The following TRMT11 variants were observed in gnomAD, a reference collection of about 807,000 sequenced individuals.
TRMT11 encodes tRNA methyltransferase 11.
TRMT11 carries 53 observed loss-of-function variants against 62.8 expected under a neutral mutation model. The ratio of observed to expected loss-of-function variants is 0.84; its 90% CI spans 0.68 to 1.06. The LOEUF (loss-of-function observed/expected upper bound fraction) is 1.06. Ranked by LOEUF, TRMT11 falls within the 50% of genes least tolerant of loss-of-function variation. The pLI is 0.00. For missense variants in TRMT11, 556 were observed against 553.4 expected, an observed-to-expected ratio of 1.00 and a Z score of -0.05; for synonymous variants, 188 against 190.3, an observed-to-expected ratio of 0.99 and a Z score of 0.10.
At chr6:126,257,266 T>C in the TRMT11 span, among the ~76,000 whole-genome samples, 3 of 151,882 alleles carry the variant, frequency 2.0e-5, no homozygotes, top group South Asian at 2.1e-4. Flanking sequence ...TCCTTTTCAT[T>C]TTATCTTTCT....
the TRMT11 span, among the ~76,000 whole-genome samples, chr6:126,242,335 A>G: frequency 2.3e-3 from 355 of 152,354 alleles, no homozygotes; most frequent in African/African-American, 7.8e-3. Flanking sequence ...GGAAGAATCA[A>G]TATCGTGAAA....
At chr6:126,229,881 T>A in the TRMT11 span, among the ~76,000 whole-genome samples, 5 of 152,210 alleles carry the variant, frequency 3.3e-5, no homozygotes, top group Admixed American at 1.3e-4. Context: ...GTTGTTTTTT[T>A]AAGTAATTTT....
At chr6:126,010,033 T>C (rs1176775322) in intron 8 of TRMT11, among the ~76,000 whole-genome samples, 1 of 149,218 alleles carries the variant, frequency 6.7e-6, no homozygotes, top group African/African-American at 2.5e-5. Context: ...GTACAAAACT[T>C]TTTTTTTTGG....
At chr6:126,098,251 C>T (rs999785084) in intron 17 of TRMT11, among the ~76,000 whole-genome samples, 9 of 152,178 alleles carry the variant, frequency 5.9e-5, no homozygotes, top group Non-Finnish European at 5.9e-5. Context: ...TGGGGGCAGG[C>T]GCTGCACAGC....
the TRMT11 span, among the ~76,000 whole-genome samples, chr6:126,237,079 G>GAA: frequency 6.6e-6 from 1 of 152,066 alleles, no homozygotes; most frequent in South Asian, 2.1e-4. Context: ...GAGAGAGAGA[G>GAA]AGAGAGAGAG....
chr6:126,136,339 A>G (rs1383359371), intron 21 of TRMT11, among the ~76,000 whole-genome samples: 1 of 151,754 alleles, frequency 6.6e-6, no homozygotes, highest in African/African-American at 2.4e-5. Flanking sequence ...CAAATAACAT[A>G]TAAACATCAC....
intron 17 of TRMT11, among the ~76,000 whole-genome samples, chr6:126,059,770 A>T (rs1056215808): frequency 2.0e-5 from 3 of 152,180 alleles, no homozygotes; most frequent in African/African-American, 7.2e-5. Context: ...TCTACTATCA[A>T]TAGCAATTGG....
chr6:126,233,484 CCTATTA>C, the TRMT11 span, among the ~76,000 whole-genome samples: 1 of 152,112 alleles, frequency 6.6e-6, no homozygotes, highest in Non-Finnish European at 1.5e-5. Context: ...GAAGACTGTG[CCTATTA>C]CTTCTACTTT....
intron 21 of TRMT11, among the ~76,000 whole-genome samples, chr6:126,131,503 A>G (rs1777782617): frequency 6.6e-6 from 1 of 152,052 alleles, no homozygotes; most frequent in Non-Finnish European, 1.5e-5. Flanking sequence ...CAACACATAA[A>G]GCTGCAGTTA....
At chr6:126,113,183 A>G (rs1777551207) in intron 18 of TRMT11, among the ~76,000 whole-genome samples, 3 of 152,042 alleles carry the variant, frequency 2.0e-5, no homozygotes, top group Admixed American at 2.0e-4. Context: ...ATGTTCCCCC[A>G]TATTGACCTG....
chr6:126,034,291 CA>C (rs1774760842), intron 12 of TRMT11, among the ~76,000 whole-genome samples: 1 of 152,012 alleles, frequency 6.6e-6, no homozygotes, highest in Admixed American at 6.6e-5. Flanking sequence ...TACTTTTCTG[CA>C]AAAAGATACG....
At chr6:126,210,912 C>T in the TRMT11 span, among the ~76,000 whole-genome samples, 2 of 151,732 alleles carry the variant, frequency 1.3e-5, no homozygotes, top group East Asian at 1.9e-4. Flanking sequence ...GTTTACTCAT[C>T]TACTCTATCC....
intron 1 of TRMT11, chr6:125,987,199 G>T (rs550004337): frequency 6.6e-6 from 1 of 152,442 alleles, no homozygotes; most frequent in African/African-American, 2.4e-5. Flanking sequence ...AAAGAGCGTC[G>T]GTAAGTGCAG....
intron 12 of TRMT11, among the ~76,000 whole-genome samples, chr6:126,024,470 C>G (rs1178858726): frequency 6.6e-6 from 1 of 152,224 alleles, no homozygotes; most frequent in African/African-American, 2.4e-5. Flanking sequence ...TACAGTGGCA[C>G]TATTACACCT....
the TRMT11 span, among the ~76,000 whole-genome samples, chr6:126,230,030 A>G: frequency 4.8e-3 from 729 of 152,286 alleles, 3 homozygotes; most frequent in Non-Finnish European, 7.8e-3. Flanking sequence ...ACTTATACCA[A>G]ACCTCTGTCA....
the TRMT11 span, among the ~76,000 whole-genome samples, chr6:126,224,820 T>A: frequency 6.6e-6 from 1 of 152,198 alleles, no homozygotes; most frequent in Non-Finnish European, 1.5e-5. Flanking sequence ...AAGTTCTACA[T>A]ACTTGCACGC....
At chr6:126,125,309 TTTTAC>T (rs1304909603) in intron 21 of TRMT11, among the ~76,000 whole-genome samples, 2 of 152,214 alleles carry the variant, frequency 1.3e-5, no homozygotes, top group African/African-American at 4.8e-5. Context: ...AAACATGTGC[TTTTAC>T]ATTCCATGTT....
chr6:126,176,689 T>C (rs1344799913), upstream of TRMT11, among the ~76,000 whole-genome samples: 2 of 152,232 alleles, frequency 1.3e-5, no homozygotes, highest in Admixed American at 6.5e-5. Flanking sequence ...TGGATCACTT[T>C]AAAAAGAGAG....
chr6:126,137,865 C>T (rs1208056364), intron 21 of TRMT11, among the ~76,000 whole-genome samples: 3 of 151,714 alleles, frequency 2.0e-5, no homozygotes, highest in African/African-American at 7.3e-5. Flanking sequence ...ATAAGCCAGT[C>T]ACAGAAGGAC....
Sources: allele counts gnomAD v4.1 joint callset (sites outside exome capture counted in the v4.1 genomes callset), GRCh38; gene constraint gnomAD v4.1.1; transcripts MANE v1.5; gene names NCBI Gene and HGNC (gene_info 2026-07-23, HGNC 2026-07-21).